Variants in SPIDR observed in about 807,000 individuals in gnomAD.
SPIDR encodes the protein scaffold protein involved in DNA repair, also known as DNA repair-scaffolding protein.
In SPIDR, 93 loss-of-function variants were observed where a neutral mutation model predicts 104.6. The observed-to-expected ratio is 0.89, with a 90% CI of 0.75 to 1.06. SPIDR has a LOEUF of 1.06. Among genes scored for constraint, SPIDR ranks in the 50% least tolerant of loss-of-function variants. SPIDR has a pLI of 0.00. For missense variants in SPIDR, 1,154 were observed against 1,111.2 expected (o/e 1.04, Z -0.55); for synonymous variants, 431 against 416.9 (o/e 1.03, Z -0.41).
rs79391116 is a variant in SPIDR, at chr8:47,634,870, G to A, written c.1544+35674G>A. ...TACTGCCTCCACAGAAATGAATGGA[G>A]AATTGAACAGCTGGAGAAAGTTTTT... On this transcript the variant is annotated intron_variant, in intron 10 of 19. Coordinates refer to ENST00000297423, the MANE Select transcript of SPIDR (RefSeq NM_001080394.4). 0.011 allele frequency among the ~76,000 whole-genome samples: 1,644 copies of A among 152,298 alleles called. 64 individuals are homozygous for A. In the East Asian group the frequency reaches 0.13, roughly 12 times the overall value.
intron 5 of SPIDR, among the ~76,000 whole-genome samples, chr8:47,351,511 AGGG>A (rs1554622385): frequency 6.6e-6 from 1 of 152,190 alleles, no homozygotes; most frequent in East Asian, 1.9e-4. Flanking sequence ...ATGGGACCAT[AGGG>A]TGGGGAAGAT....
intron 10 of SPIDR, among the ~76,000 whole-genome samples, chr8:47,639,058 T>C (rs1055933822): frequency 1.3e-5 from 2 of 152,238 alleles, no homozygotes; most frequent in African/African-American, 4.8e-5. Context: ...AGGAACTAGG[T>C]ATTTTAACTA....
chr8:47,490,099 C>T (rs1263462769), intron 8 of SPIDR, among the ~76,000 whole-genome samples: 5 of 152,278 alleles, frequency 3.3e-5, no homozygotes, highest in African/African-American at 1.2e-4. Flanking sequence ...TTGCAATCTA[C>T]TCATCTGAAA....
At chr8:47,467,065 A>G (rs944116748) in intron 8 of SPIDR, among the ~76,000 whole-genome samples, 4 of 152,006 alleles carry the variant, frequency 2.6e-5, no homozygotes, top group Admixed American at 1.3e-4. Flanking sequence ...ACAAATAACC[A>G]TCAGAGAATA....
chr8:47,365,100 A>G (rs545954314), intron 5 of SPIDR, among the ~76,000 whole-genome samples: 28 of 152,370 alleles, frequency 1.8e-4, no homozygotes, highest in Middle Eastern at 3.4e-3. Context: ...AACCTAGAAC[A>G]GGCAAAGACA....
rs955585184 is a variant in SPIDR at position 47,453,307 on chromosome 8, A to T, written c.1097+12765A>T. On this transcript the variant is annotated intron_variant, in intron 8 of 19. Transcript: ENST00000297423. ...CCATACTGCCCAGGGTAATTTATGG[A>T]TTTAATGCCACCCTCATCGAGCTAT... Among the ~76,000 whole-genome samples, 10 of 152,186 alleles carry T rather than the reference A, an allele frequency of 6.6e-5. No individual in the cohort carries two copies. The East Asian group carries it at 1.3e-3, about 20-fold the overall frequency.
chr8:47,359,308 T>C (rs1474049665), intron 5 of SPIDR, among the ~76,000 whole-genome samples: 2 of 151,492 alleles, frequency 1.3e-5, no homozygotes, highest in African/African-American at 4.9e-5. Flanking sequence ...TGTTTTATAA[T>C]ATCCACCTTG....
intron 1 of SPIDR, among the ~76,000 whole-genome samples, chr8:47,266,277 C>G (rs1250543112): frequency 6.6e-6 from 1 of 152,008 alleles, no homozygotes; most frequent in Non-Finnish European, 1.5e-5. Flanking sequence ...ACTACAGGCA[C>G]CTGCTGCCAT....
chr8:47,669,885 A>G (rs2075564863), intron 10 of SPIDR, among the ~76,000 whole-genome samples: 1 of 152,172 alleles, frequency 6.6e-6, no homozygotes, highest in Non-Finnish European at 1.5e-5. Flanking sequence ...CTATAGTCCC[A>G]GCTACTCGGG....
intron 10 of SPIDR, chr8:47,659,836 G>A: frequency 1.6e-6 from 1 of 621,574 alleles, no homozygotes; most frequent in Non-Finnish European, 2.0e-6. Flanking sequence ...GATCTTTAGA[G>A]GCTGCTTAAG....
intron 5 of SPIDR, among the ~76,000 whole-genome samples, chr8:47,303,960 A>AATCTCAG (rs2042698262): frequency 3.5e-4 from 53 of 152,290 alleles, no homozygotes; most frequent in African/African-American, 1.3e-3. Context: ...TACAGGTGTG[A>AATCTCAG]GCCACTGCAC....
chr8:47,412,204 A>T (rs2063630635), intron 7 of SPIDR, among the ~76,000 whole-genome samples: 1 of 152,208 alleles, frequency 6.6e-6, no homozygotes, highest in African/African-American at 2.4e-5. Context: ...AGTCATTGGT[A>T]GCTTGATGGG....
intron 11 of SPIDR, among the ~76,000 whole-genome samples, chr8:47,688,885 T>C (rs2078227103): frequency 6.6e-6 from 1 of 152,260 alleles, no homozygotes; most frequent in South Asian, 2.1e-4. Flanking sequence ...TGCATTTTTT[T>C]CAAACTGGTA....
rs551613531 is a variant in SPIDR at position 47,641,244 on chromosome 8, C to T, written c.1545-32557C>T. ...ACATGATCATAGCTTACGGCACCCTCCAACCCCTGTCCTCAAGCCATACTC... is the reference window on the plus strand; with the variant it reads ...ACATGATCATAGCTTACGGCACCCTTCAACCCCTGTCCTCAAGCCATACTC... On this transcript the variant is annotated intron_variant, in intron 10 of 19. Transcript: ENST00000297423. Among the ~76,000 whole-genome samples the T allele has an allele frequency of 5.9e-5, 9 of 152,212 alleles. No homozygotes were observed. In the East Asian group the frequency reaches 1.5e-3, roughly 26 times the overall value.
Position 47,701,729 on chromosome 8 carries a change from T to C in SPIDR, c.1782T>C (p.Thr594=), listed in dbSNP as rs774565556. Residue 594 remains threonine, a synonymous_variant, in exon 13 of 20, where the codon ACT becomes ACC. Transcript: ENST00000297423. Reference sequence around the variant, plus strand: ...TTGTCTCATTTAAACAGATAAAAACTCATCTGCCTCCTCCAGCCTTGTGTT... The same window carrying C: ...TTGTCTCATTTAAACAGATAAAAACCCATCTGCCTCCTCCAGCCTTGTGTT... ...GRDQPCEEIK[T]HLPPPALCYI... is the part of the protein sequence containing the mutation. 8 of 1,614,032 alleles carry C rather than the reference T, an allele frequency of 5.0e-6. No individual in the cohort carries two copies. The highest frequency in any genetic ancestry group is 1.6e-4 in the Middle Eastern group (1 of 6,062).
chr8:47,495,600 G>A (rs990196024), intron 8 of SPIDR, among the ~76,000 whole-genome samples: 1 of 151,882 alleles, frequency 6.6e-6, no homozygotes, highest in Non-Finnish European at 1.5e-5. Flanking sequence ...TCATATCTAA[G>A]GAGCCATTGC....
intron 8 of SPIDR, among the ~76,000 whole-genome samples, chr8:47,502,290 A>G (rs1437690925): frequency 3.9e-5 from 6 of 152,054 alleles, no homozygotes; most frequent in Admixed American, 6.6e-5. Context: ...TTGGTTGGTA[A>G]GCTATTAATT....
intron 8 of SPIDR, among the ~76,000 whole-genome samples, chr8:47,503,889 C>T (rs552326071): frequency 1.3e-5 from 2 of 152,244 alleles, no homozygotes; most frequent in Non-Finnish European, 2.9e-5. Flanking sequence ...CTCCTTCACT[C>T]ATGAAGCTTA....
At chr8:47,321,174 C>G (rs200786673) in intron 5 of SPIDR, among the ~76,000 whole-genome samples, 3 of 152,032 alleles carry the variant, frequency 2.0e-5, no homozygotes, top group Non-Finnish European at 1.5e-5. Flanking sequence ...GCAGATGATA[C>G]GATTGTATAT....
Sources: gnomAD v4.1 joint callset for allele counts (sites outside exome capture counted in the v4.1 genomes callset) on GRCh38, gnomAD v4.1.1 for gene constraint, MANE v1.5 for transcripts, NCBI Gene and HGNC (gene_info 2026-07-23, HGNC 2026-07-21) for gene names.